The following PIGK variants were observed in gnomAD, a reference collection of about 807,000 sequenced individuals.
The protein encoded by PIGK is phosphatidylinositol glycan anchor biosynthesis class K.
PIGK carries 42 observed loss-of-function variants against 50.6 expected under a neutral mutation model. The ratio of observed to expected loss-of-function variants is 0.83; its 90% CI spans 0.65 to 1.07. The LOEUF is 1.07. Among genes scored for constraint, PIGK ranks in the 50% least tolerant of loss-of-function variants. PIGK has a pLI of 0.00. For missense variants in PIGK, 448 were observed against 488.7 expected (o/e 0.92, Z 0.78); for synonymous variants, 151 against 156.0 (o/e 0.97, Z 0.24).
intron 9 of PIGK, among the ~76,000 whole-genome samples, chr1:77,122,876 T>C (rs906760431): frequency 6.6e-6 from 1 of 152,198 alleles, no homozygotes; most frequent in African/African-American, 2.4e-5. Context: ...ATTCTTCTTT[T>C]TAATATATTA....
At chr1:77,214,436 T>A (rs527413623) in intron 1 of PIGK, among the ~76,000 whole-genome samples, 2 of 152,190 alleles carry the variant, frequency 1.3e-5, no homozygotes, top group South Asian at 4.2e-4. Flanking sequence ...AGAAAGAGCA[T>A]TTGATAAAAT....
At chr1:77,135,598 TA>T (rs911495770) in intron 9 of PIGK, among the ~76,000 whole-genome samples, 6 of 152,116 alleles carry the variant, frequency 3.9e-5, no homozygotes, top group East Asian at 1.9e-4. Flanking sequence ...AAAATGTGAT[TA>T]AAAAATTATC....
At chr1:77,213,932 A>G (rs1035712657) in intron 1 of PIGK, among the ~76,000 whole-genome samples, 1 of 143,802 alleles carries the variant, frequency 7.0e-6, no homozygotes, top group Non-Finnish European at 1.5e-5. Flanking sequence ...TGGAAAATCT[A>G]GAAGAAATGG....
intron 10 of PIGK, among the ~76,000 whole-genome samples, chr1:77,099,647 T>C (rs557843261): frequency 7.9e-5 from 12 of 152,318 alleles, no homozygotes; most frequent in African/African-American, 2.9e-4. Context: ...AAAACAACTA[T>C]ATGTAACCTT....
chr1:77,147,105 A>G (rs1316346998), intron 9 of PIGK, among the ~76,000 whole-genome samples: 1 of 152,086 alleles, frequency 6.6e-6, no homozygotes, highest in African/African-American at 2.4e-5. Flanking sequence ...AGGCCTCAAA[A>G]TCATGGCAGA....
At chr1:77,095,994 T>A (rs1653397409) in intron 10 of PIGK, among the ~76,000 whole-genome samples, 1 of 151,982 alleles carries the variant, frequency 6.6e-6, no homozygotes, top group Non-Finnish European at 1.5e-5. Flanking sequence ...TAAATTATAA[T>A]CTGAAGAGGC....
intron 9 of PIGK, among the ~76,000 whole-genome samples, chr1:77,142,733 A>G (rs972432839): frequency 1.3e-5 from 2 of 152,094 alleles, no homozygotes; most frequent in African/African-American, 4.8e-5. Context: ...GAACCCACTC[A>G]CTATCACAAG....
intron 3 of PIGK, among the ~76,000 whole-genome samples, chr1:77,188,853 G>A (rs1319197616): frequency 3.9e-5 from 6 of 152,082 alleles, no homozygotes; most frequent in Non-Finnish European, 5.9e-5. Context: ...CAGGTTCCCC[G>A]ATAGTCACCC....
chr1:77,128,671 CA>C (rs1654285271), intron 9 of PIGK, among the ~76,000 whole-genome samples: 1 of 152,168 alleles, frequency 6.6e-6, no homozygotes, highest in African/African-American at 2.4e-5. Context: ...AATCATTGAG[CA>C]CTTACTCTGA....
intron 8 of PIGK, among the ~76,000 whole-genome samples, chr1:77,155,009 C>T (rs1654978218): frequency 6.6e-6 from 1 of 152,086 alleles, no homozygotes; most frequent in African/African-American, 2.4e-5. Context: ...GGTTTTCAAA[C>T]GTTTTGTAAT....
intron 3 of PIGK, among the ~76,000 whole-genome samples, chr1:77,198,177 A>G (rs1209442173): frequency 1.3e-5 from 2 of 152,096 alleles, no homozygotes; most frequent in Non-Finnish European, 2.9e-5. Flanking sequence ...CTTTATTTTC[A>G]ATGAATTGCT....
Position 77,092,229 on chromosome 1 carries a change from T to A in PIGK, c.*145A>T. 2.1e-6 allele frequency: 1 copy of A among 480,122 alleles called. No homozygotes were observed. 29.7% of individuals were successfully genotyped at this position (480,122 alleles called of 1,614,324 possible). A position where few individuals can be genotyped will look rare whatever the true frequency, so the allele number is the denominator to read the frequency against. ...CATTAACAATTATTTTTCTTTAAGT[T>A]ATAAAATTAATAGTTGATTCAAATT... On this transcript the variant is annotated 3_prime_UTR_variant, in exon 11 of 11. Transcript: ENST00000370812.
At chr1:77,174,922 T>TG (rs151116755) in intron 3 of PIGK, among the ~76,000 whole-genome samples, 1 of 151,720 alleles carries the variant, frequency 6.6e-6, no homozygotes, top group South Asian at 2.1e-4. Flanking sequence ...CTGGATCTTC[T>TG]TCTGTCTATC....
At chr1:77,171,753 T>A (rs930164343) in intron 3 of PIGK, among the ~76,000 whole-genome samples, 1 of 151,956 alleles carries the variant, frequency 6.6e-6, no homozygotes, top group Non-Finnish European at 1.5e-5. Context: ...TCCAACCACA[T>A]ATTCTAATTC....
At chr1:77,137,896 G>C (rs1339522381) in intron 9 of PIGK, among the ~76,000 whole-genome samples, 1 of 152,122 alleles carries the variant, frequency 6.6e-6, no homozygotes, top group African/African-American at 2.4e-5. Flanking sequence ...GAGCCACCAC[G>C]CCTGGCCCCT....
At chr1:77,099,975 CT>C (rs11314658) in intron 10 of PIGK, among the ~76,000 whole-genome samples, 29,155 of 152,028 alleles carry the variant, frequency 0.19, 3,583 homozygotes, top group African/African-American at 0.35. Flanking sequence ...ATTGAAATGC[CT>C]TAATATTTCA....
At chr1:77,157,191 C>T (rs1177037963) in intron 8 of PIGK, among the ~76,000 whole-genome samples, 2 of 152,144 alleles carry the variant, frequency 1.3e-5, no homozygotes, top group African/African-American at 4.8e-5. Flanking sequence ...TTACTATACA[C>T]ATATACTCTA....
chr1:77,207,169 C>CA (rs1475034430), intron 2 of PIGK, among the ~76,000 whole-genome samples: 3 of 151,572 alleles, frequency 2.0e-5, no homozygotes, highest in Admixed American at 1.3e-4. Context: ...TCTGTCTCAA[C>CA]AAAAAAAGAA....
At chr1:77,216,151 C>T (rs1471670622) in intron 1 of PIGK, among the ~76,000 whole-genome samples, 1 of 152,084 alleles carries the variant, frequency 6.6e-6, no homozygotes, top group African/African-American at 2.4e-5. Flanking sequence ...ATGCTGATTA[C>T]TCTGATTTGA....
Sources: allele counts gnomAD v4.1 joint callset (sites outside exome capture counted in the v4.1 genomes callset), GRCh38; gene constraint gnomAD v4.1.1; transcripts MANE v1.5; gene names NCBI Gene and HGNC (gene_info 2026-07-23, HGNC 2026-07-21).